ABCB11: variants seen among roughly 807,000 people sequenced by gnomAD.
ABCB11 encodes ATP binding cassette subfamily B member 11.
Under a neutral mutation model 148.0 loss-of-function variants are expected in ABCB11, and 95 were observed. That is an observed-to-expected ratio of 0.64 (90% CI 0.54 to 0.76). The LOEUF is 0.76. Among genes scored for constraint, ABCB11 ranks in the 30% least tolerant of loss-of-function variants. The pLI is 0.00. For synonymous variants in ABCB11, 591 were observed against 555.4 expected (o/e 1.06, Z -0.90); for missense variants, 1,523 against 1,617.8 (o/e 0.94, Z 1.01).
Position 168,968,490 on chromosome 2 carries a change from T to G in ABCB11, c.2012A>C (p.Asp671Ala), listed in dbSNP as rs775412382. Residue 671 changes from aspartate to alanine, a missense_variant and splice_region_variant, in exon 17 of 28, where the codon GAT (aspartate) becomes GCT (alanine). By Grantham distance (126) the Asp-to-Ala change is moderately radical (BLOSUM62 -2). Coordinates refer to ENST00000650372, the MANE Select transcript of ABCB11 (RefSeq NM_003742.4). Reference sequence around the variant, plus strand: ...CGCAAGCATGTCATCTTCAGTTGCATCTACTCAACACAGCATGAGCAATTT... The same window carrying G: ...CGCAAGCATGTCATCTTCAGTTGCAGCTACTCAACACAGCATGAGCAATTT... ...NQALNEEDIK[D>A]ATEDDMLART... The G allele has an allele frequency of 6.2e-7, 1 of 1,610,578 alleles. No individual in the cohort carries two copies. The highest frequency in any genetic ancestry group is 1.1e-5 in the South Asian group (1 of 90,684).
At chr2:168,962,774 C>T (rs1693132675) in intron 18 of ABCB11, among the ~76,000 whole-genome samples, 1 of 151,652 alleles carries the variant, frequency 6.6e-6, no homozygotes, top group South Asian at 2.1e-4. Flanking sequence ...ACCATGGACT[C>T]AATGAAATAG....
chr2:168,944,266 C>G (rs1031607614), intron 21 of ABCB11, among the ~76,000 whole-genome samples: 1 of 130,342 alleles, frequency 7.7e-6, no homozygotes, highest in Non-Finnish European at 1.7e-5. Flanking sequence ...CTTCCTTGCC[C>G]TGTTCACCCA....
chr2:168,936,763 T>C (rs1467615332), intron 21 of ABCB11, among the ~76,000 whole-genome samples: 1 of 152,236 alleles, frequency 6.6e-6, no homozygotes, highest in Admixed American at 6.5e-5. Context: ...TAGGTATCTC[T>C]AGAAGTAGAA....
intron 7 of ABCB11, among the ~76,000 whole-genome samples, chr2:168,994,664 G>A (rs927328737): frequency 1.3e-5 from 2 of 151,960 alleles, no homozygotes; most frequent in African/African-American, 4.8e-5. Flanking sequence ...AGTTCCTCAA[G>A]AGCACAAGTG....
chr2:168,927,384 G>A (rs572672649), intron 25 of ABCB11, 22 bp from the exon 26 acceptor site: 2 of 1,593,492 alleles, frequency 1.3e-6, no homozygotes, highest in Admixed American at 1.7e-5. Flanking sequence ...GGAGATGACA[G>A]GTCATTAGGT....
At chr2:168,919,908 TGTTGCCCAGG>T (rs1691026655), downstream of ABCB11, among the ~76,000 whole-genome samples, 1 of 152,106 alleles carries the variant, frequency 6.6e-6, no homozygotes, top group South Asian at 2.1e-4. Context: ...GGTCTTGCTC[TGTTGCCCAGG>T]CTGGAGGGCA....
At chr2:168,924,447 AT>A (rs1691214998) in intron 27 of ABCB11, among the ~76,000 whole-genome samples, 1 of 152,206 alleles carries the variant, frequency 6.6e-6, no homozygotes, top group Non-Finnish European at 1.5e-5. Flanking sequence ...CTTAAAAACA[AT>A]TCTTATTTTA....
chr2:168,936,459 G>A (rs761119326), intron 21 of ABCB11, 26 bp from the exon 22 acceptor site: 82 of 1,609,898 alleles, frequency 5.1e-5, no homozygotes, highest in Non-Finnish European at 6.4e-5. Flanking sequence ...CAATCAACCC[G>A]TCTCAGACAC....
chr2:168,923,710 AC>A lies in ABCB11; in HGVS notation c.3877del (p.Val1293TrpfsTer2). The A allele has an allele frequency of 1.2e-6, 2 of 1,613,056 alleles. No homozygotes were observed. Among genetic ancestry groups the A allele is most frequent in the Non-Finnish European group, 1.7e-6 (2 of 1,179,732 alleles). ...ADIIAVMAQG[V>X]VIEKGTHEEL... ...TTCATGGGTCCCCTTTTCAATCACC[AC>A]CCCCTGTGCCATGACAGCAATGATA... On this transcript the variant is annotated frameshift_variant, in exon 28 of 28. Transcript: ENST00000650372. LOFTEE classifies it high-confidence loss of function.
chr2:168,967,903 G>C (rs1036715864), intron 17 of ABCB11, among the ~76,000 whole-genome samples: 4 of 151,822 alleles, frequency 2.6e-5, no homozygotes, highest in African/African-American at 9.7e-5. Flanking sequence ...AAAATAAATA[G>C]CTCTTATTTA....
At position 168,958,340 on chromosome 2, in the gene ABCB11, C is replaced by T. The variant is rs764520507; in HGVS notation, c.2179-212G>A. Among the ~76,000 whole-genome samples the T allele has an allele frequency of 6.6e-5, 10 of 151,410 alleles. No individual in the cohort carries two copies. The East Asian group carries it at 1.2e-3, about 18-fold the overall frequency. On this transcript the variant is annotated intron_variant, in intron 18 of 27. Coordinates refer to ENST00000650372, the MANE Select transcript of ABCB11 (RefSeq NM_003742.4). The stretch of plus-strand genomic sequence containing the variant: ...GAATAAAAACTGAACTGAGGGAATA[C>T]GCATTTGAAGGTGAGCTTATAGTTC...
intron 19 of ABCB11, among the ~76,000 whole-genome samples, chr2:168,948,797 G>A (rs371814387): frequency 1.3e-5 from 2 of 151,700 alleles, no homozygotes; most frequent in Non-Finnish European, 3.0e-5. Flanking sequence ...AAATTAATGT[G>A]ATTTCTTCAC....
chr2:168,995,153 A>G (rs1470190054), intron 7 of ABCB11, among the ~76,000 whole-genome samples, 196 bp downstream of exon 7: 1 of 152,016 alleles, frequency 6.6e-6, no homozygotes, highest in Non-Finnish European at 1.5e-5. Flanking sequence ...AAATTGCAGT[A>G]CCTTGGGTTT....
chr2:169,013,542 T>C (rs1193071028), intron 4 of ABCB11, 32 bp from the exon 5 acceptor site: 2 of 1,574,414 alleles, frequency 1.3e-6, no homozygotes, highest in Non-Finnish European at 1.7e-6. Flanking sequence ...AGATCATCTA[T>C]GGGTGAAGAG....
intron 18 of ABCB11, among the ~76,000 whole-genome samples, chr2:168,963,812 T>C (rs1472489467): frequency 6.6e-6 from 1 of 151,776 alleles, no homozygotes; most frequent in Non-Finnish European, 1.5e-5. Context: ...ATTATTGTAA[T>C]TTAAGAAAGA....
chr2:169,011,221 C>T (rs534304819), intron 5 of ABCB11, among the ~76,000 whole-genome samples: 1 of 152,124 alleles, frequency 6.6e-6, no homozygotes, highest in South Asian at 2.1e-4. Context: ...TACTTGAGGA[C>T]CTTTTCCTCA....
At chr2:168,953,050 T>G (rs1375831310) in intron 19 of ABCB11, among the ~76,000 whole-genome samples, 1 of 151,712 alleles carries the variant, frequency 6.6e-6, no homozygotes, top group Non-Finnish European at 1.5e-5. Context: ...CTAGTTTTAT[T>G]TCACTGTGGC....
chr2:168,969,667 T>A, intron 15 of ABCB11, 116 bp from the exon 16 acceptor site: 1 of 936,894 alleles, frequency 1.1e-6, no homozygotes, highest in Non-Finnish European at 1.6e-6. Context: ...GGAATATTCT[T>A]AAATAGGCTG....
In ABCB11 at chr2:168,970,122, T is replaced by C. The variant is rs1389106831; in HGVS notation, c.1732A>G (p.Lys578Glu). The C allele has an allele frequency of 3.1e-6, 5 of 1,612,894 alleles. No individual in the cohort carries two copies. The highest frequency in any genetic ancestry group is 4.2e-6 in the Non-Finnish European group (5 of 1,179,322). The change falls in exon 15 of 28, where the codon AAG becomes GAG. Residue 578 changes from lysine to glutamate, a missense_variant. By Grantham distance (56) the Lys-to-Glu change is moderately conservative (BLOSUM62 1). Transcript: ENST00000650372. ...AIARALIRNP[K>E]ILLLDMATSA... The stretch of plus-strand genomic sequence containing the variant: ...GTGGCCATGTCCAAAAGCAGAATCT[T>C]GGGATTTCGGATGAGGGCTCTGGCG...
Sources: gnomAD v4.1 joint callset for allele counts (sites outside exome capture counted in the v4.1 genomes callset) on GRCh38, gnomAD v4.1.1 for gene constraint, MANE v1.5 for transcripts, NCBI Gene and HGNC (gene_info 2026-07-23, HGNC 2026-07-21) for gene names.